Variants in WWOX observed in about 807,000 individuals in gnomAD.
The protein encoded by WWOX is WW domain containing oxidoreductase.
A neutral mutation model predicts 46.2 loss-of-function variants in WWOX; 69 were observed. The ratio of observed to expected loss-of-function variants is 1.49; its 90% CI spans 1.23 to 1.82. WWOX has a LOEUF of 1.82. Among genes scored for constraint, WWOX ranks in the 40% most tolerant of loss-of-function variants. The probability of loss-of-function intolerance (pLI) is 0.00; values close to 1 mark genes in which losing one functional copy is unlikely to be tolerated. For synonymous variants in WWOX, 359 were observed against 202.6 expected, an observed-to-expected ratio of 1.77 and a Z score of -6.56; for missense variants, 919 against 542.6, an observed-to-expected ratio of 1.69 and a Z score of -6.89.
intron 8 of WWOX, among the ~76,000 whole-genome samples, chr16:78,810,135 G>A (rs570193897): frequency 2.0e-5 from 3 of 152,330 alleles, no homozygotes; most frequent in South Asian, 2.1e-4. Context: ...CCCTCATACA[G>A]TTCTGTTAAA....
In WWOX at chr16:78,675,357, G is replaced by C. The variant is rs142053721; in HGVS notation, c.1056+242605G>C. 2.2e-3 allele frequency among the ~76,000 whole-genome samples: 330 copies of C among 152,186 alleles called. 1 individual carries two copies. Among genetic ancestry groups the C allele is most frequent in the African/African-American group, 7.6e-3 (314 of 41,530 alleles). On this transcript the variant is annotated intron_variant, in intron 8 of 8. Transcript: ENST00000566780. ...AAAGATTTAAAAAACTGTTCATATC[G>C]TTCATCTACATAAATAAATAATATT... is the stretch of plus-strand genomic sequence containing the variant.
intron 8 of WWOX, among the ~76,000 whole-genome samples, chr16:79,156,450 C>T (rs977007632): frequency 5.9e-5 from 9 of 152,142 alleles, no homozygotes; most frequent in South Asian, 2.1e-4. Context: ...CGTGAGCCAC[C>T]GCTCCCAGCA....
intron 8 of WWOX, among the ~76,000 whole-genome samples, chr16:79,021,808 G>T (rs1039888505): frequency 2.6e-5 from 4 of 152,168 alleles, no homozygotes; most frequent in African/African-American, 9.7e-5. Flanking sequence ...TCAGATTAAG[G>T]AGTCTGCACT....
chr16:78,923,048 G>A (rs1279313493), intron 8 of WWOX, among the ~76,000 whole-genome samples: 5 of 147,388 alleles, frequency 3.4e-5, no homozygotes, highest in East Asian at 2.0e-4. Flanking sequence ...ATGGCGCAAT[G>A]TTGGTCCACC....
chr16:79,190,143 G>A (rs932568311), intron 8 of WWOX, among the ~76,000 whole-genome samples: 3 of 152,034 alleles, frequency 2.0e-5, no homozygotes, highest in Non-Finnish European at 4.4e-5. Context: ...TTCTGCCTCA[G>A]CCTCCCGAGT....
intron 8 of WWOX, among the ~76,000 whole-genome samples, chr16:78,786,241 G>A (rs532352629): frequency 6.6e-6 from 1 of 152,262 alleles, no homozygotes; most frequent in East Asian, 1.9e-4. Context: ...ACTTTCTTAA[G>A]TCGAGACAAT....
chr16:78,810,708 G>A (rs915628004), intron 8 of WWOX, among the ~76,000 whole-genome samples: 19 of 152,188 alleles, frequency 1.2e-4, no homozygotes, highest in African/African-American at 4.1e-4. Context: ...ATCAAGGGTG[G>A]AAGAAGGTGG....
intron 8 of WWOX, among the ~76,000 whole-genome samples, chr16:79,005,522 G>C (rs983112996): frequency 6.6e-6 from 1 of 152,144 alleles, no homozygotes; most frequent in Non-Finnish European, 1.5e-5. Flanking sequence ...AAAACTCTAT[G>C]GGGGCGTCCT....
rs1597401929 is a variant in WWOX at position 78,250,825 on chromosome 16, T to A, written c.516+86536T>A. 2.6e-5 allele frequency among the ~76,000 whole-genome samples: 4 copies of A among 152,280 alleles called. No homozygotes were observed. In the East Asian group the frequency reaches 7.7e-4, roughly 29 times the overall value. On this transcript the variant is annotated intron_variant, in intron 5 of 8. Transcript: ENST00000566780. ...ACCATAACCACCTGCAAATGTCATG[T>A]GGTTTATATCACACCTTCACTTAAC... is the stretch of plus-strand genomic sequence containing the variant.
chr16:79,019,505 C>T (rs1159506630), intron 8 of WWOX, among the ~76,000 whole-genome samples: 1 of 152,006 alleles, frequency 6.6e-6, no homozygotes, highest in Non-Finnish European at 1.5e-5. Context: ...TTTGGGACAG[C>T]CATCATATAT....
chr16:78,375,760 A>T (rs546739578), intron 5 of WWOX, among the ~76,000 whole-genome samples: 21 of 152,160 alleles, frequency 1.4e-4, no homozygotes, highest in Non-Finnish European at 2.2e-4. Flanking sequence ...GTATTGCAGC[A>T]TTGCTTTCAG....
At chr16:78,945,121 A>G (rs902231871) in intron 8 of WWOX, among the ~76,000 whole-genome samples, 1 of 152,178 alleles carries the variant, frequency 6.6e-6, no homozygotes, top group Non-Finnish European at 1.5e-5. Flanking sequence ...TCAAGGCTAC[A>G]GTGAGCCGAG....
chr16:78,772,722 G>T (rs1309214268), intron 8 of WWOX, among the ~76,000 whole-genome samples: 1 of 152,104 alleles, frequency 6.6e-6, no homozygotes, highest in Non-Finnish European at 1.5e-5. Flanking sequence ...GAGGCTCAAA[G>T]AACCTAGGTA....
intron 8 of WWOX, among the ~76,000 whole-genome samples, chr16:78,867,243 C>A (rs6420412): frequency 0.8 from 121,057 of 152,104 alleles, 48,548 homozygotes; most frequent in Middle Eastern, 0.88. Flanking sequence ...GTGCAAAGGA[C>A]AATGGAGTGA....
At chr16:79,016,893 A>G (rs1183247936) in intron 8 of WWOX, 1 of 152,078 alleles carries the variant, frequency 6.6e-6, no homozygotes, top group Non-Finnish European at 1.5e-5. Context: ...TCGTCTTATT[A>G]TGTTTTCCAA....
chr16:79,055,631 A>T (rs575262658), intron 8 of WWOX, among the ~76,000 whole-genome samples: 5 of 152,298 alleles, frequency 3.3e-5, no homozygotes, highest in African/African-American at 1.2e-4. Flanking sequence ...AACAATTGCT[A>T]TTTTTTAAAG....
intron 8 of WWOX, among the ~76,000 whole-genome samples, chr16:78,958,208 C>G (rs1177080899): frequency 6.6e-6 from 1 of 152,212 alleles, no homozygotes; most frequent in Non-Finnish European, 1.5e-5. Flanking sequence ...GACTTAAACA[C>G]TCAGCTCCAG....
intron 8 of WWOX, among the ~76,000 whole-genome samples, chr16:78,763,449 T>A (rs2142496055): frequency 6.6e-6 from 1 of 152,346 alleles, no homozygotes; most frequent in Non-Finnish European, 1.5e-5. Context: ...AAGTAGTTTA[T>A]AGTCCAAAAA....
At chr16:79,069,330 A>C (rs1244726625) in intron 8 of WWOX, among the ~76,000 whole-genome samples, 1 of 152,212 alleles carries the variant, frequency 6.6e-6, no homozygotes, top group African/African-American at 2.4e-5. Context: ...CCAAGCCAAC[A>C]TGAGCTTCCA....
Sources: allele counts gnomAD v4.1 joint callset (sites outside exome capture counted in the v4.1 genomes callset), GRCh38; gene constraint gnomAD v4.1.1; transcripts MANE v1.5; gene names NCBI Gene and HGNC (gene_info 2026-07-23, HGNC 2026-07-21).